TMEM132C: variants seen among roughly 807,000 people sequenced by gnomAD.
The protein encoded by TMEM132C is protein phosphatase 1, regulatory subunit 152.
TMEM132C carries 29 observed loss-of-function variants against 61.4 expected under a neutral mutation model. That is an observed-to-expected ratio of 0.47 (90% confidence interval 0.35 to 0.64). TMEM132C has a LOEUF of 0.64. Among genes scored for constraint, TMEM132C ranks in the 30% least tolerant of loss-of-function variants. TMEM132C has a pLI of 0.00. For missense variants in TMEM132C, 1,408 were observed against 1,476.9 expected (o/e 0.95, Z 0.76); for synonymous variants, 656 against 633.1 (o/e 1.04, Z -0.54).
At chr12:128,435,666 A>C (rs1869564025) in intron 2 of TMEM132C, among the ~76,000 whole-genome samples, 1 of 152,228 alleles carries the variant, frequency 6.6e-6, no homozygotes, top group African/African-American at 2.4e-5. Context: ...CAAATGGAAG[A>C]ACATTCCATG....
At chr12:128,702,745 A>T (rs1954812653) in intron 8 of TMEM132C, among the ~76,000 whole-genome samples, 1 of 152,242 alleles carries the variant, frequency 6.6e-6, no homozygotes, top group Non-Finnish European at 1.5e-5. Flanking sequence ...GAGTGGCGAC[A>T]TCTCCATCCA....
chr12:128,646,906 G>T (rs993226889), intron 4 of TMEM132C, among the ~76,000 whole-genome samples: 38 of 150,828 alleles, frequency 2.5e-4, no homozygotes, highest in Non-Finnish European at 5.2e-4. Flanking sequence ...TTGGATGTGT[G>T]TTTACTGGAG....
intron 2 of TMEM132C, among the ~76,000 whole-genome samples, chr12:128,525,880 A>G (rs879409739): frequency 5.3e-5 from 8 of 152,188 alleles, no homozygotes; most frequent in Non-Finnish European, 1.2e-4. Flanking sequence ...TTGTCTTCAT[A>G]CCTGGAGAAC....
At chr12:128,629,875 A>T (rs551984206) in intron 4 of TMEM132C, among the ~76,000 whole-genome samples, 1 of 151,720 alleles carries the variant, frequency 6.6e-6, no homozygotes, top group African/African-American at 2.4e-5. Context: ...CTGAGGCAGG[A>T]TAGTCACTTG....
At chr12:128,267,734 AC>A (rs1870359480) in intron 1 of TMEM132C, among the ~76,000 whole-genome samples, 1 of 152,048 alleles carries the variant, frequency 6.6e-6, no homozygotes, top group Admixed American at 6.5e-5. Flanking sequence ...GACCCCCCAG[AC>A]CCAGAGCTGC....
At chr12:128,445,952 C>G (rs1488573930) in intron 2 of TMEM132C, among the ~76,000 whole-genome samples, 7 of 152,126 alleles carry the variant, frequency 4.6e-5, no homozygotes, top group Admixed American at 4.6e-4. Flanking sequence ...ACGTGAGATA[C>G]TTAATCTCTG....
At chr12:128,408,395 C>A (rs1055323852) in intron 1 of TMEM132C, among the ~76,000 whole-genome samples, 1 of 152,128 alleles carries the variant, frequency 6.6e-6, no homozygotes, top group Non-Finnish European at 1.5e-5. Context: ...TGAATGCTCC[C>A]ACTGCAGATG....
rs1312193865 is a variant in TMEM132C, at chr12:128,669,501, G to T, written c.1390G>T (p.Ala464Ser). The T allele has an allele frequency of 6.4e-7, 1 of 1,551,696 alleles. No individual in the cohort carries two copies. Among genetic ancestry groups the T allele is most frequent in the Non-Finnish European group, 8.7e-7 (1 of 1,146,996 alleles). ...GGTGGTCTCTGTGGAGGAGAACAGT[G>T]CCGTGATGGACATCTCAGAGTCGGT... The part of the protein sequence containing the change: ...IKVVSVEENS[A>S]VMDISESVEC... The change falls in exon 5 of 9, where the codon GCC becomes TCC. Residue 464 changes from alanine (A) to serine (S), a missense_variant. Transcript: ENST00000435159.
At position 128,620,232 on chromosome 12, in the gene TMEM132C, C is replaced by CAAAA. The variant is rs386378194; in HGVS notation, c.1305+3916_1305+3919dup. Among the ~76,000 whole-genome samples, 486 of 61,900 alleles carry CAAAA rather than the reference C, an allele frequency of 7.9e-3. 6 individuals carry two copies. The highest frequency in any genetic ancestry group is 0.022 in the Middle Eastern group (2 of 90). The allele number at this position is 61,900 out of a possible 152,430, so 40.6% of individuals were successfully genotyped here. On this transcript the variant is annotated intron_variant, in intron 4 of 8. Coordinates refer to ENST00000435159, the MANE Select transcript of TMEM132C (RefSeq NM_001136103.3). ...CAGGCAACAGAATGAGACCCTGTCT[C>CAAAA]AAAAAAAAAAAAAAAAAAAAAAGGA... is the stretch of plus-strand genomic sequence containing the variant.
intron 2 of TMEM132C, among the ~76,000 whole-genome samples, chr12:128,529,985 C>T (rs1402541684): frequency 1.3e-5 from 2 of 152,022 alleles, no homozygotes; most frequent in Non-Finnish European, 2.9e-5. Flanking sequence ...TCCCCTCCTA[C>T]CCTTCAATCT....
At chr12:128,295,588 G>A (rs1351916214) in intron 1 of TMEM132C, among the ~76,000 whole-genome samples, 3 of 148,054 alleles carry the variant, frequency 2.0e-5, no homozygotes, top group African/African-American at 7.5e-5. Context: ...TTCCTTACCC[G>A]ACTTCTTAGA....
At chr12:128,583,779 G>A (rs1012438519) in intron 3 of TMEM132C, among the ~76,000 whole-genome samples, 3 of 152,180 alleles carry the variant, frequency 2.0e-5, no homozygotes, top group African/African-American at 7.2e-5. Flanking sequence ...TTACACCAGC[G>A]AGGGCTGAAG....
At chr12:128,307,047 G>T (rs1871807865) in intron 1 of TMEM132C, among the ~76,000 whole-genome samples, 1 of 152,078 alleles carries the variant, frequency 6.6e-6, no homozygotes, top group Non-Finnish European at 1.5e-5. Context: ...TTCCACCATT[G>T]CTGGAAGGAA....
intron 1 of TMEM132C, among the ~76,000 whole-genome samples, chr12:128,371,671 C>T (rs1186299222): frequency 1.3e-5 from 2 of 152,192 alleles, no homozygotes; most frequent in Non-Finnish European, 1.5e-5. Flanking sequence ...CTCCTGGGCC[C>T]AAGCAATCCT....
intron 4 of TMEM132C, among the ~76,000 whole-genome samples, chr12:128,617,683 A>G (rs1876857641): frequency 6.6e-6 from 1 of 151,870 alleles, no homozygotes; most frequent in Non-Finnish European, 1.5e-5. Flanking sequence ...CAGGTGGGAC[A>G]GGTGTGGAAT....
rs529993048 is a variant in TMEM132C at position 128,570,741 on chromosome 12, G to A, written c.1121+26638G>A. Among the ~76,000 whole-genome samples the A allele has an allele frequency of 6.6e-6, 1 of 152,312 alleles. No individual in the cohort carries two copies. Among genetic ancestry groups the A allele is most frequent in the South Asian group, 2.1e-4 (1 of 4,824 alleles). On this transcript the variant is annotated intron_variant, in intron 3 of 8. Coordinates refer to ENST00000435159, the MANE Select transcript of TMEM132C (RefSeq NM_001136103.3). The surrounding 1 kb of genome is among the most constrained non-coding windows in gnomAD (Gnocchi z 4.7). Reference sequence around the variant, plus strand: ...GGCATCTTATTGTGTTCCAGGTAGAGCAAATGGAGGAAGATGTATGGCTAA... The same window carrying A: ...GGCATCTTATTGTGTTCCAGGTAGAACAAATGGAGGAAGATGTATGGCTAA...
intron 1 of TMEM132C, among the ~76,000 whole-genome samples, chr12:128,360,641 A>G (rs1873676062): frequency 6.6e-6 from 1 of 152,150 alleles, no homozygotes; most frequent in Admixed American, 6.5e-5. Context: ...ATCATCAGGA[A>G]GTGCAATAAC....
At chr12:128,383,602 C>T (rs533164416) in intron 1 of TMEM132C, among the ~76,000 whole-genome samples, 9 of 152,292 alleles carry the variant, frequency 5.9e-5, no homozygotes, top group African/African-American at 1.7e-4. Context: ...TAAGTTCAAA[C>T]GGAATTTCTC....
chr12:128,495,256 C>G (rs1301436637), intron 2 of TMEM132C, among the ~76,000 whole-genome samples: 1 of 151,906 alleles, frequency 6.6e-6, no homozygotes, highest in African/African-American at 2.4e-5. Flanking sequence ...TTACTTCCAA[C>G]TATGTGGTCA....
Sources: gnomAD v4.1 joint callset for allele counts (sites outside exome capture counted in the v4.1 genomes callset) on GRCh38, gnomAD v4.1.1 for gene constraint, Gnocchi (gnomAD v3.1) non-coding constraint, MANE v1.5 for transcripts, NCBI Gene and HGNC (gene_info 2026-07-23, HGNC 2026-07-21) for gene names.